The following MSI2 variants were observed in gnomAD, a reference collection of about 807,000 sequenced individuals.
MSI2 encodes musashi RNA binding protein 2.
Under a neutral mutation model 45.6 loss-of-function variants are expected in MSI2, and 17 were observed. The ratio of observed to expected loss-of-function variants is 0.37; its 90% CI spans 0.26 to 0.56. The LOEUF (loss-of-function observed/expected upper bound fraction) is 0.56, where lower values mean the gene tolerates loss of function less well. MSI2 is among the 20% of genes least tolerant of loss of function. The probability of loss-of-function intolerance (pLI) is 0.77; values close to 1 mark genes in which losing one functional copy is unlikely to be tolerated. For missense variants in MSI2, 293 were observed against 444.2 expected (o/e 0.66, Z 3.06); for synonymous variants, 156 against 158.2 (o/e 0.99, Z 0.11).
chr17:57,678,815 C>T (rs1913422597), intron 13 of MSI2, among the ~76,000 whole-genome samples: 1 of 152,154 alleles, frequency 6.6e-6, no homozygotes, highest in Non-Finnish European at 1.5e-5. Context: ...TAGGTGAGCT[C>T]ATAGAGTCAG....
intron 6 of MSI2, among the ~76,000 whole-genome samples, chr17:57,494,482 TG>T (rs2085937078): frequency 6.6e-6 from 1 of 152,006 alleles, no homozygotes; most frequent in African/African-American, 2.4e-5. Context: ...GGGTATATTG[TG>T]GGGGTAATAA....
the MSI2 span, among the ~76,000 whole-genome samples, chr17:57,699,276 GGA>G: frequency 9.6e-5 from 13 of 135,762 alleles, no homozygotes; most frequent in Admixed American, 1.4e-4. Flanking sequence ...GAAGAGCCAG[GGA>G]GAGAGAGAGA....
intron 6 of MSI2, among the ~76,000 whole-genome samples, chr17:57,509,301 G>A (rs1336035286): frequency 1.3e-5 from 2 of 152,166 alleles, no homozygotes; most frequent in African/African-American, 4.8e-5. Flanking sequence ...GTGGAAAGGA[G>A]TGAGGGGGAG....
chr17:57,534,671 C>T (rs4793864), intron 7 of MSI2, among the ~76,000 whole-genome samples: 14,927 of 152,188 alleles, frequency 0.098, 919 homozygotes, highest in Non-Finnish European at 0.15. Context: ...GCCGAGATGG[C>T]GCCATTGCAC....
chr17:57,519,168 C>CT (rs1192485506), intron 6 of MSI2, among the ~76,000 whole-genome samples: 2 of 152,174 alleles, frequency 1.3e-5, no homozygotes, highest in Non-Finnish European at 2.9e-5. Context: ...CACACTGGTT[C>CT]TGTTAGTGGC....
intron 10 of MSI2, among the ~76,000 whole-genome samples, chr17:57,651,881 G>C (rs1358842576): frequency 6.6e-6 from 1 of 152,212 alleles, no homozygotes; most frequent in Non-Finnish European, 1.5e-5. Context: ...CTTCTGGGGT[G>C]ACAAATGGGT....
At chr17:57,271,858 G>A (rs535314136) in intron 5 of MSI2, among the ~76,000 whole-genome samples, 2 of 152,034 alleles carry the variant, frequency 1.3e-5, no homozygotes, top group Admixed American at 1.3e-4. Context: ...TGAAGGAGGG[G>A]AAAGAGTGAG....
chr17:57,392,046 T>G (rs1390870252), intron 5 of MSI2, among the ~76,000 whole-genome samples: 1 of 152,204 alleles, frequency 6.6e-6, no homozygotes, highest in Non-Finnish European at 1.5e-5. Context: ...CGCCTGCAGA[T>G]GCAGAGCAGC....
chr17:57,622,420 G>A (rs1210510854), intron 9 of MSI2, among the ~76,000 whole-genome samples: 1 of 152,132 alleles, frequency 6.6e-6, no homozygotes, highest in Non-Finnish European at 1.5e-5. Flanking sequence ...TAACTTTCTT[G>A]GCCTCGTTGG....
At chr17:57,578,835 G>A (rs1244512344) in intron 7 of MSI2, among the ~76,000 whole-genome samples, 1 of 152,142 alleles carries the variant, frequency 6.6e-6, no homozygotes, top group African/African-American at 2.4e-5. Flanking sequence ...GGTGTGTGAT[G>A]ATGCGGGGTT....
At chr17:57,610,313 G>T (rs1054761953) in intron 8 of MSI2, among the ~76,000 whole-genome samples, 1 of 152,112 alleles carries the variant, frequency 6.6e-6, no homozygotes, top group Non-Finnish European at 1.5e-5. Context: ...TTAGCAGGGC[G>T]TGGTGGCGTG....
chr17:57,624,212 C>T (rs1218250626), intron 9 of MSI2, among the ~76,000 whole-genome samples: 1 of 152,210 alleles, frequency 6.6e-6, no homozygotes, highest in African/African-American at 2.4e-5. Context: ...TATGCTTTTG[C>T]TGTCAGATTA....
At chr17:57,297,432 A>G (rs371138441) in intron 5 of MSI2, among the ~76,000 whole-genome samples, 9 of 152,250 alleles carry the variant, frequency 5.9e-5, no homozygotes, top group African/African-American at 2.2e-4. Flanking sequence ...TGCCTCAATT[A>G]AAAAATACAT....
At chr17:57,487,123 T>G (rs942369941) in intron 6 of MSI2, among the ~76,000 whole-genome samples, 13 of 152,272 alleles carry the variant, frequency 8.5e-5, no homozygotes, top group Admixed American at 7.8e-4. Context: ...AAGTGGGAAG[T>G]GCAGGGGACT....
chr17:57,453,240 A>G (rs1204043395), intron 6 of MSI2, among the ~76,000 whole-genome samples: 3 of 152,066 alleles, frequency 2.0e-5, no homozygotes, highest in African/African-American at 7.2e-5. Context: ...ACCTCAAGCA[A>G]TCTGCCCACC....
intron 6 of MSI2, among the ~76,000 whole-genome samples, chr17:57,436,882 T>C (rs12938660): frequency 0.21 from 32,694 of 152,102 alleles, 3,869 homozygotes; most frequent in South Asian, 0.3. Context: ...GAAAACATTT[T>C]CCCCACCCTT....
chr17:57,342,788 G>A (rs1478384164), intron 5 of MSI2, among the ~76,000 whole-genome samples: 1 of 152,180 alleles, frequency 6.6e-6, no homozygotes, highest in Non-Finnish European at 1.5e-5. Context: ...TCGAATGATA[G>A]AAGGGGAAAA....
intron 6 of MSI2, among the ~76,000 whole-genome samples, chr17:57,405,604 C>A (rs774320802): frequency 6.6e-6 from 1 of 152,212 alleles, no homozygotes; most frequent in Non-Finnish European, 1.5e-5. Context: ...TTTGGGACTT[C>A]ATGACGCAGG....
chr17:57,649,407 A>G (rs1243690035), intron 10 of MSI2, among the ~76,000 whole-genome samples: 1 of 151,070 alleles, frequency 6.6e-6, no homozygotes, highest in Non-Finnish European at 1.5e-5. Context: ...CACCCAACAC[A>G]TGTACACAAC....
Sources: allele counts gnomAD v4.1 joint callset (sites outside exome capture counted in the v4.1 genomes callset), GRCh38; gene constraint gnomAD v4.1.1; transcripts MANE v1.5; gene names NCBI Gene and HGNC (gene_info 2026-07-23, HGNC 2026-07-21).